The following RBFOX1 variants were observed in gnomAD, a reference collection of about 807,000 sequenced individuals.
The protein encoded by RBFOX1 is RNA binding protein fox-1 homolog 1.
RBFOX1 carries 8 observed loss-of-function variants against 57.7 expected under a neutral mutation model. That is an observed-to-expected ratio of 0.14 (90% CI 0.08 to 0.25). RBFOX1 has a LOEUF of 0.25. Ranked by LOEUF, RBFOX1 falls within the 10% of genes least tolerant of loss-of-function variation. The pLI is 1.00. For synonymous variants in RBFOX1, 326 were observed against 222.4 expected, an observed-to-expected ratio of 1.47 and a Z score of -4.15; for missense variants, 611 against 548.5, an observed-to-expected ratio of 1.11 and a Z score of -1.14.
At chr16:6,859,093 T>C (rs12920148) in intron 3 of RBFOX1, among the ~76,000 whole-genome samples, 2 of 114,552 alleles carry the variant, frequency 1.7e-5, no homozygotes, top group African/African-American at 6.5e-5. Flanking sequence ...ATCAGTGTTG[T>C]ATTGTCCTAA....
chr16:5,446,095 C>T (rs756531911), intron 1 of RBFOX1, among the ~76,000 whole-genome samples: 1 of 152,192 alleles, frequency 6.6e-6, no homozygotes, highest in Non-Finnish European at 1.5e-5. Flanking sequence ...GGTTGTACTG[C>T]AGTCTTGTAG....
At chr16:7,140,773 G>T (rs760559713) in intron 4 of RBFOX1, among the ~76,000 whole-genome samples, 1 of 152,164 alleles carries the variant, frequency 6.6e-6, no homozygotes, top group South Asian at 2.1e-4. Flanking sequence ...GGAAGGTAGC[G>T]TTAAACTTTC....
At chr16:5,754,343 G>T (rs914159540) in intron 3 of RBFOX1, among the ~76,000 whole-genome samples, 1 of 152,124 alleles carries the variant, frequency 6.6e-6, no homozygotes, top group Non-Finnish European at 1.5e-5. Flanking sequence ...GTTCATGTTC[G>T]CTCCTATTGT....
intron 4 of RBFOX1, among the ~76,000 whole-genome samples, chr16:7,423,755 C>T (rs1306496778): frequency 2.0e-5 from 3 of 152,162 alleles, no homozygotes; most frequent in African/African-American, 4.8e-5. Flanking sequence ...CACCTCTGTT[C>T]TGTGTCTCTC....
intron 2 of RBFOX1, among the ~76,000 whole-genome samples, chr16:6,381,630 T>G (rs2091825290): frequency 6.6e-6 from 1 of 152,226 alleles, no homozygotes; most frequent in Non-Finnish European, 1.5e-5. Flanking sequence ...CTTGGGTCAT[T>G]GAACAGGAGC....
chr16:6,140,136 T>G (rs2096704059), intron 1 of RBFOX1, among the ~76,000 whole-genome samples: 1 of 152,146 alleles, frequency 6.6e-6, no homozygotes, highest in Non-Finnish European at 1.5e-5. Context: ...GTTAAGATAC[T>G]ACTGTCTGAT....
chr16:5,828,029 C>A (rs1335321454), intron 3 of RBFOX1, among the ~76,000 whole-genome samples: 1 of 148,190 alleles, frequency 6.7e-6, no homozygotes, highest in Non-Finnish European at 1.5e-5. Flanking sequence ...AGTCTTCTGT[C>A]CATCCATGTA....
At chr16:5,657,801 T>C (rs1233288283) in intron 3 of RBFOX1, among the ~76,000 whole-genome samples, 1 of 149,290 alleles carries the variant, frequency 6.7e-6, no homozygotes, top group Admixed American at 6.7e-5. Context: ...AGCACGATCT[T>C]GGCTCACTGT....
At chr16:7,650,309 CTCTCTTTTTTT>C (rs2064751157) in intron 11 of RBFOX1, among the ~76,000 whole-genome samples, 1 of 134,526 alleles carries the variant, frequency 7.4e-6, no homozygotes, top group Admixed American at 7.7e-5. Context: ...ACCTGTGGAA[CTCTCTTTTTTT>C]TTTTTTTTTG....
At chr16:7,574,649 G>A (rs965206893) in intron 5 of RBFOX1, among the ~76,000 whole-genome samples, 2 of 152,266 alleles carry the variant, frequency 1.3e-5, no homozygotes, top group Admixed American at 6.5e-5. Context: ...GTGTTGGCAG[G>A]TGATCAGATG....
chr16:6,016,616 C>A (rs1329232209), upstream of RBFOX1, among the ~76,000 whole-genome samples: 1 of 152,166 alleles, frequency 6.6e-6, no homozygotes, highest in Non-Finnish European at 1.5e-5. Context: ...TTTAAACCAG[C>A]TTTATGAAAG....
intron 4 of RBFOX1, among the ~76,000 whole-genome samples, chr16:7,138,182 G>C (rs2152070075): frequency 6.6e-6 from 1 of 152,274 alleles, no homozygotes; most frequent in African/African-American, 2.4e-5. Context: ...CTTTGGGTGT[G>C]AGGATCAGAT....
intron 1 of RBFOX1, among the ~76,000 whole-genome samples, chr16:5,308,288 C>T (rs983897942): frequency 6.6e-6 from 1 of 151,426 alleles, no homozygotes; most frequent in Non-Finnish European, 1.5e-5. Context: ...GATTGCGCCA[C>T]TACACTCTAG....
intron 3 of RBFOX1, among the ~76,000 whole-genome samples, chr16:6,860,911 A>G (rs2058875954): frequency 6.6e-6 from 1 of 152,210 alleles, no homozygotes; most frequent in Non-Finnish European, 1.5e-5. Flanking sequence ...ATATGTATTT[A>G]TATATGAATG....
chr16:7,252,057 C>A (rs552202556), intron 4 of RBFOX1, among the ~76,000 whole-genome samples: 1 of 152,124 alleles, frequency 6.6e-6, no homozygotes, highest in Non-Finnish European at 1.5e-5. Flanking sequence ...ATATTGTGTT[C>A]TAGCACACTG....
At chr16:5,866,189 G>A (rs765784147) in intron 3 of RBFOX1, among the ~76,000 whole-genome samples, 8 of 152,208 alleles carry the variant, frequency 5.3e-5, no homozygotes, top group Non-Finnish European at 5.9e-5. Flanking sequence ...AGCTGGTCTC[G>A]AACTCCTGAC....
At chr16:6,314,511 C>G (rs1283597032) in intron 1 of RBFOX1, among the ~76,000 whole-genome samples, 1 of 152,054 alleles carries the variant, frequency 6.6e-6, no homozygotes, top group East Asian at 1.9e-4. Context: ...TCCATGAGTT[C>G]AAATGGGGCC....
Position 5,590,078 on chromosome 16 carries a change from A to C in RBFOX1, c.259-8824A>C, listed in dbSNP as rs199890557. Among the ~76,000 whole-genome samples, 28 of 148,618 alleles carry C rather than the reference A, an allele frequency of 1.9e-4. No individual in the cohort carries two copies. In the East Asian group the frequency reaches 3.8e-3, roughly 20 times the overall value. On this transcript the variant is annotated intron_variant, in intron 2 of 2. Coordinates refer to the RBFOX1 transcript ENST00000585867. ...ACACACACACACACACACACACACA[A>C]AAAGGGCAGCAGGTGTTATTTGGGC...
At chr16:5,418,678 C>T (rs116316191) in intron 1 of RBFOX1, among the ~76,000 whole-genome samples, 1,952 of 152,218 alleles carry the variant, frequency 0.013, 51 homozygotes, top group African/African-American at 0.044. Context: ...CCCCTTCTTT[C>T]CTCCCTCTTC....
Sources: allele counts gnomAD v4.1 joint callset (sites outside exome capture counted in the v4.1 genomes callset), GRCh38; gene constraint gnomAD v4.1.1; transcripts MANE v1.5; gene names NCBI Gene and HGNC (gene_info 2026-07-23, HGNC 2026-07-21).